CDON: variants seen among roughly 807,000 people sequenced by gnomAD.
The protein encoded by CDON is cell adhesion molecule-related/down-regulated by oncogenes.
In CDON, 73 loss-of-function variants were observed where a neutral mutation model predicts 120.9. The ratio of observed to expected loss-of-function variants is 0.60; its 90% confidence interval spans 0.50 to 0.73. The LOEUF is 0.73. Among genes scored for constraint, CDON ranks in the 30% least tolerant of loss-of-function variants. The probability of loss-of-function intolerance (pLI) is 0.00; values close to 1 mark genes in which losing one functional copy is unlikely to be tolerated. For missense variants in CDON, 1,470 were observed against 1,587.3 expected (o/e 0.93, Z 1.26); for synonymous variants, 566 against 573.5 (o/e 0.99, Z 0.19).
chr11:126,001,041 T>C, intron 11 of CDON, among the ~76,000 whole-genome samples: 1 of 152,040 alleles, frequency 6.6e-6, no homozygotes, highest in East Asian at 1.9e-4. Context: ...AAAATAAAAA[T>C]AAAAAGTAAC....
intron 1 of CDON, among the ~76,000 whole-genome samples, chr11:126,048,092 C>A (rs111614723): frequency 0.011 from 1,745 of 152,124 alleles, 13 homozygotes; most frequent in Non-Finnish European, 0.019. Context: ...GCCTGGCCAA[C>A]ATGGAGAAAC....
At chr11:126,008,803 T>G (rs1023873588) in intron 8 of CDON, among the ~76,000 whole-genome samples, 2 of 152,238 alleles carry the variant, frequency 1.3e-5, no homozygotes, top group Non-Finnish European at 2.9e-5. Flanking sequence ...TATGTAACAC[T>G]GAACTACTTT....
chr11:126,010,992 A>G (rs1427658759), intron 7 of CDON: 6 of 467,792 alleles, frequency 1.3e-5, no homozygotes, highest in Non-Finnish European at 2.1e-5. Context: ...ATATCTGACC[A>G]CTGCAAATAT....
chr11:126,005,662 G>T, intron 9 of CDON, 97 bp downstream of exon 9: 1 of 1,163,304 alleles, frequency 8.6e-7, no homozygotes, highest in Non-Finnish European at 1.3e-6. Context: ...CTCTTGTTCT[G>T]TTTCCTGCCA....
chr11:126,037,392 A>G (rs1948129423), intron 1 of CDON, among the ~76,000 whole-genome samples: 1 of 151,990 alleles, frequency 6.6e-6, no homozygotes. Context: ...GACCCACTGC[A>G]CCCAGCCCAT....
intron 15 of CDON, among the ~76,000 whole-genome samples, chr11:125,985,328 C>A (rs1055504764): frequency 1.4e-4 from 22 of 152,312 alleles, no homozygotes; most frequent in Admixed American, 4.6e-4. Flanking sequence ...CATGTGCCCC[C>A]ACGCACGGAT....
At chr11:125,969,879 T>C (rs1945914535) in intron 18 of CDON, among the ~76,000 whole-genome samples, 1 of 152,166 alleles carries the variant, frequency 6.6e-6, no homozygotes, top group Non-Finnish European at 1.5e-5. Flanking sequence ...GGAAGAGTAG[T>C]GTAGGATTGT....
At chr11:126,044,287 G>A (rs191372243) in intron 1 of CDON, among the ~76,000 whole-genome samples, 2 of 152,326 alleles carry the variant, frequency 1.3e-5, no homozygotes, top group Non-Finnish European at 2.9e-5. Flanking sequence ...ATATCGGGGA[G>A]TACTTTTAAA....
At position 126,001,758 on chromosome 11, in the gene CDON, A is replaced by G. The variant is rs1190758159; in HGVS notation, c.2119T>C (p.Phe707Leu). ...PVVSEAANNN[F>L]GVVLTDSSRH... is the part of the protein sequence containing the mutation. ...GAGGAATCTGTAAGTACCACTCCAA[A>G]ATTGTTGTTTGCAGCCTCTGAAACA... Residue 707 changes from phenylalanine (F) to leucine (L), a missense_variant, in exon 11 of 20, where the codon TTT becomes CTT. Transcript: ENST00000531738. The G allele has an allele frequency of 6.2e-7, 1 of 1,613,658 alleles. No individual in the cohort carries two copies. The highest frequency in any genetic ancestry group is 1.1e-5 in the South Asian group (1 of 91,076).
intron 18 of CDON, among the ~76,000 whole-genome samples, chr11:125,975,117 C>T (rs1295353353): frequency 6.6e-6 from 1 of 152,210 alleles, no homozygotes; most frequent in African/African-American, 2.4e-5. Context: ...AATTATGATG[C>T]TGCTACCCCA....
intron 1 of CDON, among the ~76,000 whole-genome samples, chr11:126,037,806 G>A (rs1215106704): frequency 3.3e-5 from 5 of 151,976 alleles, no homozygotes; most frequent in African/African-American, 1.2e-4. Context: ...TATGGCTTAG[G>A]TTCTGTCTGC....
chr11:125,993,468 A>G (rs1021867575), intron 14 of CDON, among the ~76,000 whole-genome samples: 1 of 152,062 alleles, frequency 6.6e-6, no homozygotes, highest in African/African-American at 2.4e-5. Context: ...AATAAACATA[A>G]AGGGTATGGT....
At chr11:126,040,269 A>G (rs1370065026) in intron 1 of CDON, among the ~76,000 whole-genome samples, 2 of 152,228 alleles carry the variant, frequency 1.3e-5, no homozygotes, top group Non-Finnish European at 2.9e-5. Flanking sequence ...TTCTAGAGGA[A>G]CTAGATTAAC....
intron 1 of CDON, among the ~76,000 whole-genome samples, chr11:126,043,343 T>G (rs1948316111): frequency 6.6e-6 from 1 of 152,148 alleles, no homozygotes; most frequent in South Asian, 2.1e-4. Context: ...CCCAAGAAGA[T>G]TCTGTATCCG....
intron 14 of CDON, among the ~76,000 whole-genome samples, chr11:125,993,395 GCACACACACACACACA>G: frequency 6.6e-6 from 1 of 151,000 alleles, no homozygotes; most frequent in African/African-American, 2.4e-5. Flanking sequence ...GCGCGTGCGT[GCACACACACACACACA>G]CACACACACA....
chr11:126,003,894 T>C lies in CDON; in HGVS notation c.2026+8A>G, dbSNP rs1947033942. 1 of 1,612,956 alleles carries C rather than the reference T, an allele frequency of 6.2e-7. No homozygotes were observed. The highest frequency in any genetic ancestry group is 1.7e-5 in the Admixed American group (1 of 60,002). On this transcript the variant is annotated splice_region_variant and intron_variant, in intron 10 of 19. Coordinates refer to ENST00000531738, the MANE Select transcript of CDON (RefSeq NM_001378964.1). ...CAGCTCATTCCTCCAAAGGAAGCCC[T>C]CACTCACCTTTGCTGGTTCGGAAGG...
intron 12 of CDON, among the ~76,000 whole-genome samples, chr11:125,995,259 G>A (rs1183907310): frequency 6.6e-6 from 1 of 152,138 alleles, no homozygotes; most frequent in Non-Finnish European, 1.5e-5. Context: ...CTCCGTGCAT[G>A]GTGTTCAAGA....
At chr11:126,037,123 T>C (rs774591031) in intron 1 of CDON, among the ~76,000 whole-genome samples, 11 of 151,076 alleles carry the variant, frequency 7.3e-5, no homozygotes, top group African/African-American at 1.2e-4. Flanking sequence ...TTTTGGAAGA[T>C]GGAGTCTCTC....
chr11:126,059,591 G>A (rs554030264), intron 1 of CDON, among the ~76,000 whole-genome samples: 3 of 151,240 alleles, frequency 2.0e-5, no homozygotes, highest in South Asian at 2.1e-4. Flanking sequence ...TCAGGTGCTC[G>A]CTAATGGAAT....
Sources: allele counts gnomAD v4.1 joint callset (sites outside exome capture counted in the v4.1 genomes callset), GRCh38; gene constraint gnomAD v4.1.1; transcripts MANE v1.5; gene names NCBI Gene and HGNC (gene_info 2026-07-23, HGNC 2026-07-21).